MANSC4: variants seen among roughly 807,000 people sequenced by gnomAD.
MANSC4 encodes the protein MANSC domain-containing protein 4.
Under a neutral mutation model 11.4 loss-of-function variants are expected in MANSC4, and 11 were observed. The ratio of observed to expected loss-of-function variants is 0.97; its 90% CI spans 0.61 to 1.60. The LOEUF (loss-of-function observed/expected upper bound fraction) is 1.60, where lower values mean the gene tolerates loss of function less well. MANSC4 is among the 40% of genes most tolerant of loss of function. MANSC4 has a pLI of 0.00. For missense variants in MANSC4, 354 were observed against 404.6 expected (o/e 0.88, Z 1.07); for synonymous variants, 123 against 147.1 (o/e 0.84, Z 1.19).
At position 27,762,675 on chromosome 12, in the gene MANSC4, C is replaced by T. The variant is rs964939840; in HGVS notation, c.*63G>A. The T allele has an allele frequency of 6.0e-5, 83 of 1,380,686 alleles. No homozygotes were observed. The highest frequency in any genetic ancestry group is 2.8e-4 in the African/African-American group (19 of 68,056). 85.5% of individuals were successfully genotyped at this position (1,380,686 alleles called of 1,614,324 possible). ...CTATTTTTTTTTTTTAACCAAACTG[C>T]GTTTTCTTACACAAAACTAAAAATG... On this transcript the variant is annotated 3_prime_UTR_variant, in exon 4 of 4. Coordinates refer to ENST00000381273, the MANE Select transcript of MANSC4 (RefSeq NM_001146221.5).
chr12:27,766,835 G>T (rs1287742803), intron 2 of MANSC4, 36 bp from the exon 3 acceptor site: 2 of 1,543,288 alleles, frequency 1.3e-6, no homozygotes, highest in East Asian at 4.9e-5. Context: ...TCTGCAGATG[G>T]TCTCAATTTG....
chr12:27,766,700 GGCTCTAATATGCA>G lies in MANSC4; in HGVS notation c.316_328del (p.Cys106LeufsTer10). ...GTTGTACAAAATGGCACTGGTTCCA[GGCTCTAATATGCA>G]GCTCTCCAGTGTTGGGCAGTGAACA... On this transcript the variant is annotated frameshift_variant, in exon 3 of 4. Transcript: ENST00000381273. LOFTEE classifies it low-confidence loss of function (END_TRUNC). The G allele has an allele frequency of 6.4e-7, 1 of 1,551,650 alleles. No individual in the cohort carries two copies. The highest frequency in any genetic ancestry group is 8.7e-7 in the Non-Finnish European group (1 of 1,146,972).
Position 27,763,473 on chromosome 12 carries a change from G to GGTT in MANSC4, c.365-80_365-78dup, listed in dbSNP as rs2062057726. ...ACCCTAAAGCACAGTTTGGAGAAGG[G>GGTT]GTTGGCTTTTGCCGCTATGAGTTAT... On this transcript the variant is annotated intron_variant, in intron 3 of 3. Transcript: ENST00000381273. 2.2e-6 allele frequency: 3 copies of GGTT among 1,391,596 alleles called. No individual in the cohort carries two copies. In the Admixed American group the frequency reaches 8.0e-5, roughly 37 times the overall value. The allele number at this position is 1,391,596 out of a possible 1,614,324, so 86.2% of individuals were successfully genotyped here. A position where few individuals can be genotyped will look rare whatever the true frequency, so the allele number is the denominator to read the frequency against.
rs146269870 is a variant in MANSC4, at chr12:27,779,352, C to G, written c.-307+858G>C. Among the ~76,000 whole-genome samples the G allele has an allele frequency of 4.4e-3, 671 of 152,300 alleles. 6 individuals are homozygous for G. The highest frequency in any genetic ancestry group is 0.016 in the African/African-American group (648 of 41,562). ...TAGAAAAGCAATGGCTCATAGAAAA[C>G]ATGGTTTAAAACCAGAAGCCACGTG... On this transcript the variant is annotated intron_variant, in intron 1 of 3. Coordinates refer to ENST00000381273, the MANE Select transcript of MANSC4 (RefSeq NM_001146221.5).
intron 1 of MANSC4, among the ~76,000 whole-genome samples, chr12:27,775,800 T>C (rs2140805681): frequency 6.6e-6 from 1 of 151,792 alleles, no homozygotes; most frequent in African/African-American, 2.4e-5. Context: ...TGTAAAAGTA[T>C]ATTTTTCAGC....
intron 3 of MANSC4, among the ~76,000 whole-genome samples, chr12:27,765,272 T>G (rs1213354570): frequency 2.0e-5 from 3 of 152,212 alleles, no homozygotes; most frequent in Non-Finnish European, 4.4e-5. Flanking sequence ...GTGCAGACTT[T>G]AATGCTTCCC....
At chr12:27,776,077 C>T (rs1206262593) in intron 1 of MANSC4, among the ~76,000 whole-genome samples, 3 of 125,562 alleles carry the variant, frequency 2.4e-5, no homozygotes, top group African/African-American at 8.8e-5. Flanking sequence ...GCAACAAGAG[C>T]GAGACTGTCT....
intron 2 of MANSC4, among the ~76,000 whole-genome samples, chr12:27,770,030 G>A (rs955625673): frequency 2.0e-5 from 3 of 152,188 alleles, no homozygotes; most frequent in African/African-American, 7.2e-5. Context: ...CATCTATGAG[G>A]AATATTTGGA....
intron 1 of MANSC4, among the ~76,000 whole-genome samples, chr12:27,775,995 C>T (rs1213964385): frequency 6.9e-6 from 1 of 145,520 alleles, no homozygotes; most frequent in Non-Finnish European, 1.5e-5. Context: ...GAGGCTGAGA[C>T]AGGAGAATGG....
At chr12:27,776,088 CAA>C (rs35924016) in intron 1 of MANSC4, among the ~76,000 whole-genome samples, 25 of 63,080 alleles carry the variant, frequency 4.0e-4, no homozygotes, top group East Asian at 1.5e-3. Flanking sequence ...GAGACTGTCT[CAA>C]AAAAAAAAAA....
At chr12:27,765,395 C>G (rs1202964760) in intron 3 of MANSC4, among the ~76,000 whole-genome samples, 1 of 152,146 alleles carries the variant, frequency 6.6e-6, no homozygotes, top group Non-Finnish European at 1.5e-5. Context: ...CTGACAAAGT[C>G]AAATCAAAAC....
intron 3 of MANSC4, among the ~76,000 whole-genome samples, chr12:27,764,572 G>A (rs2140796392): frequency 6.6e-6 from 1 of 151,838 alleles, no homozygotes; most frequent in Non-Finnish European, 1.5e-5. Flanking sequence ...GTTTTCAGCT[G>A]TATTTTCTCT....
In MANSC4 at chr12:27,771,101, T is replaced by A. The variant is rs1311095663; in HGVS notation, c.176A>T (p.Tyr59Phe). The change falls in exon 2 of 4, where the codon TAT becomes TTT. Residue 59 changes from tyrosine to phenylalanine, a missense_variant. Physicochemically the swap from Tyr to Phe is conservative, Grantham distance 22. Coordinates refer to ENST00000381273, the MANE Select transcript of MANSC4 (RefSeq NM_001146221.5). ...QKLGAQFLKY[Y>F]SESTGQKCSR... ...GCACTTCTGGCCAGTGCTTTCAGAATAATACTTCAAGAACTGGGCTCCCAG... is the reference window on the plus strand; with the variant it reads ...GCACTTCTGGCCAGTGCTTTCAGAAAAATACTTCAAGAACTGGGCTCCCAG... 1.9e-6 allele frequency: 3 copies of A among 1,551,784 alleles called. No individual in the cohort carries two copies. Among genetic ancestry groups the A allele is most frequent in the Non-Finnish European group, 2.6e-6 (3 of 1,147,004 alleles).
intron 2 of MANSC4, among the ~76,000 whole-genome samples, chr12:27,768,639 A>C (rs1290525728): frequency 1.8e-5 from 1 of 55,214 alleles, no homozygotes; most frequent in East Asian, 5.6e-4. Flanking sequence ...AAAGGTACCG[A>C]CTTTTTTTTT....
intron 2 of MANSC4, among the ~76,000 whole-genome samples, chr12:27,769,978 T>C (rs2062093108): frequency 6.6e-6 from 1 of 152,200 alleles, no homozygotes; most frequent in Admixed American, 6.5e-5. Flanking sequence ...GATCATATTA[T>C]ATGGATGAAG....
Position 27,766,813 on chromosome 12 carries a change from A to C in MANSC4, c.230-14T>G, listed in dbSNP as rs1433240792. On this transcript the variant is annotated splice_polypyrimidine_tract_variant and intron_variant, in intron 2 of 3. Transcript: ENST00000381273. ...GGTTACAGGAAACTGAAAGGGAAACAAGCGAAGTACATCTGCAGATGGTCT... is the reference window on the plus strand; with the variant it reads ...GGTTACAGGAAACTGAAAGGGAAACCAGCGAAGTACATCTGCAGATGGTCT... 6.5e-7 allele frequency: 1 copy of C among 1,550,146 alleles called. No homozygotes were observed. Among genetic ancestry groups the C allele is most frequent in the East Asian group, 2.4e-5 (1 of 40,902 alleles).
Position 27,778,543 on chromosome 12 carries a change from A to G in MANSC4, c.-307+1667T>C, listed in dbSNP as rs554175656. Among the ~76,000 whole-genome samples, 3 of 152,238 alleles carry G rather than the reference A, an allele frequency of 2.0e-5. No homozygotes were observed. The South Asian group carries it at 6.2e-4, about 32-fold the overall frequency. On this transcript the variant is annotated intron_variant, in intron 1 of 3. Transcript: ENST00000381273. Reference sequence around the variant, plus strand: ...TTATTTAACAATCTGTCATTCAAGAAGAAAGCTGAAGCTTGTAATAATAAA... The same window carrying G: ...TTATTTAACAATCTGTCATTCAAGAGGAAAGCTGAAGCTTGTAATAATAAA...
At chr12:27,768,246 T>C (rs1591809264) in intron 2 of MANSC4, among the ~76,000 whole-genome samples, 1 of 142,018 alleles carries the variant, frequency 7.0e-6, no homozygotes, top group Non-Finnish European at 1.6e-5. Context: ...AAAAAAAAAA[T>C]ACAAAAATTG....
At chr12:27,768,654 T>C (rs2062085794) in intron 2 of MANSC4, among the ~76,000 whole-genome samples, 1 of 151,222 alleles carries the variant, frequency 6.6e-6, no homozygotes, top group Admixed American at 6.6e-5. Context: ...TTTTTTTTTT[T>C]TTTTTTCAGT....
Sources: gnomAD v4.1 joint callset for allele counts (sites outside exome capture counted in the v4.1 genomes callset) on GRCh38, gnomAD v4.1.1 for gene constraint, MANE v1.5 for transcripts, NCBI Gene and HGNC (gene_info 2026-07-23, HGNC 2026-07-21) for gene names.